The following GRID1 variants were observed in gnomAD, a reference collection of about 807,000 sequenced individuals.
GRID1 encodes glutamate ionotropic receptor delta type subunit 1.
Under a neutral mutation model 98.0 loss-of-function variants are expected in GRID1, and 28 were observed. That is an observed-to-expected ratio of 0.29 (90% CI 0.21 to 0.39). The LOEUF (loss-of-function observed/expected upper bound fraction) is 0.39, where lower values mean the gene tolerates loss of function less well. GRID1 is among the 10% of genes least tolerant of loss of function. The pLI is 1.00. For synonymous variants in GRID1, 553 were observed against 538.5 expected (o/e 1.03, Z -0.37); for missense variants, 1,111 against 1,340.5 (o/e 0.83, Z 2.67).
intron 2 of GRID1, among the ~76,000 whole-genome samples, chr10:86,313,416 T>C (rs1018125248): frequency 6.6e-6 from 1 of 152,160 alleles, no homozygotes; most frequent in Admixed American, 6.5e-5. Flanking sequence ...GGGTCTGGAA[T>C]TGGAACCCAG....
In GRID1 at chr10:86,171,051, A is replaced by G. The variant is rs573972966; in HGVS notation, c.521-32027T>C. 2.0e-5 allele frequency among the ~76,000 whole-genome samples: 3 copies of G among 152,262 alleles called. No individual in the cohort carries two copies. The South Asian group carries it at 6.2e-4, about 32-fold the overall frequency. The stretch of plus-strand genomic sequence containing the variant: ...GTTCTCAGACTTCAAGGCATACTAG[A>G]ATCACCTGGAAAGTTTTAATACTCT... On this transcript the variant is annotated intron_variant, in intron 3 of 15. Coordinates refer to ENST00000327946, the MANE Select transcript of GRID1 (RefSeq NM_017551.3).
intron 12 of GRID1, among the ~76,000 whole-genome samples, chr10:85,719,428 CA>C (rs559767613): frequency 2.6e-5 from 4 of 151,102 alleles, no homozygotes; most frequent in East Asian, 3.9e-4. Context: ...AAACTGGGAA[CA>C]AAAAAAAAGT....
intron 4 of GRID1, among the ~76,000 whole-genome samples, chr10:85,988,836 G>A (rs531375606): frequency 2.0e-5 from 3 of 152,326 alleles, no homozygotes; most frequent in Admixed American, 6.5e-5. Context: ...CAAGGATGGT[G>A]AGATACACAG....
intron 13 of GRID1, among the ~76,000 whole-genome samples, chr10:85,627,378 T>C (rs2132530669): frequency 6.6e-6 from 1 of 152,352 alleles, no homozygotes; most frequent in East Asian, 1.9e-4. Flanking sequence ...TGACATATGG[T>C]AAACGCTAAA....
chr10:86,316,819 T>A (rs1847906137), intron 2 of GRID1, among the ~76,000 whole-genome samples: 1 of 152,182 alleles, frequency 6.6e-6, no homozygotes, highest in Admixed American at 6.5e-5. Flanking sequence ...TGTCTTGCTT[T>A]TATATGATTT....
chr10:86,070,273 G>A (rs1843784826), intron 4 of GRID1, among the ~76,000 whole-genome samples: 1 of 152,178 alleles, frequency 6.6e-6, no homozygotes, highest in South Asian at 2.1e-4. Flanking sequence ...TTGGGGCACT[G>A]GGAGTGTCTG....
At chr10:85,854,296 T>G (rs1486311537) in intron 8 of GRID1, among the ~76,000 whole-genome samples, 200 bp downstream of exon 8, 1 of 152,192 alleles carries the variant, frequency 6.6e-6, no homozygotes, top group Non-Finnish European at 1.5e-5. Flanking sequence ...TAGAGGCAAT[T>G]TCTGTTTGGA....
At chr10:86,238,179 G>A (rs1394718712) in intron 2 of GRID1, among the ~76,000 whole-genome samples, 1 of 152,252 alleles carries the variant, frequency 6.6e-6, no homozygotes, top group Non-Finnish European at 1.5e-5. Context: ...GCCAAATGTT[G>A]ATAGCCAAGA....
chr10:86,174,039 G>A (rs1453527424), intron 3 of GRID1, among the ~76,000 whole-genome samples: 7 of 152,066 alleles, frequency 4.6e-5, no homozygotes, highest in African/African-American at 1.2e-4. Flanking sequence ...ATAGACATAC[G>A]TGTGCATGTG....
intron 4 of GRID1, among the ~76,000 whole-genome samples, chr10:86,067,254 C>A (rs981291718): frequency 1.3e-5 from 2 of 152,224 alleles, no homozygotes; most frequent in African/African-American, 4.8e-5. Flanking sequence ...CCTCCGCGCT[C>A]TGCATGCACG....
chr10:85,958,368 C>A (rs1391198446), intron 4 of GRID1, among the ~76,000 whole-genome samples: 1 of 152,204 alleles, frequency 6.6e-6, no homozygotes, highest in African/African-American at 2.4e-5. Context: ...CACCTCAAGG[C>A]CCCTTGGTGA....
chr10:85,917,463 A>C (rs1405016153), intron 4 of GRID1, among the ~76,000 whole-genome samples: 1 of 152,222 alleles, frequency 6.6e-6, no homozygotes, highest in African/African-American at 2.4e-5. Flanking sequence ...TACCTCCGCA[A>C]GTAAATAGCT....
At chr10:86,046,478 T>G (rs1843426311) in intron 4 of GRID1, among the ~76,000 whole-genome samples, 1 of 152,142 alleles carries the variant, frequency 6.6e-6, no homozygotes, top group East Asian at 1.9e-4. Flanking sequence ...CTGCCCTATA[T>G]CAATTTCACC....
At chr10:86,112,628 G>T (rs1172373215) in intron 4 of GRID1, among the ~76,000 whole-genome samples, 1 of 152,090 alleles carries the variant, frequency 6.6e-6, no homozygotes. Context: ...GGTTGTGATT[G>T]TGGTGTCTGC....
intron 4 of GRID1, among the ~76,000 whole-genome samples, chr10:85,927,882 A>G (rs534623933): frequency 6.6e-6 from 1 of 152,318 alleles, no homozygotes; most frequent in African/African-American, 2.4e-5. Context: ...AATTTGCTGA[A>G]AAGTAGTTAC....
At chr10:85,981,043 G>T (rs1463559645) in intron 4 of GRID1, among the ~76,000 whole-genome samples, 2 of 152,200 alleles carry the variant, frequency 1.3e-5, no homozygotes, top group African/African-American at 4.8e-5. Flanking sequence ...GGGGCCACTA[G>T]CTCCCAATGA....
At chr10:86,059,957 C>A (rs999039416) in intron 4 of GRID1, among the ~76,000 whole-genome samples, 2 of 152,174 alleles carry the variant, frequency 1.3e-5, no homozygotes, top group Non-Finnish European at 2.9e-5. Context: ...TCTCCAGTGA[C>A]AGCATTTTAC....
chr10:85,855,759 C>T (rs1385762079), intron 7 of GRID1, among the ~76,000 whole-genome samples: 1 of 152,198 alleles, frequency 6.6e-6, no homozygotes, highest in African/African-American at 2.4e-5. Flanking sequence ...CCATTTCATA[C>T]CTACTTGCAG....
At chr10:85,642,967 G>C (rs146283906) in intron 13 of GRID1, among the ~76,000 whole-genome samples, 1 of 152,036 alleles carries the variant, frequency 6.6e-6, no homozygotes, top group Admixed American at 6.5e-5. Context: ...TCTCAGAGGC[G>C]AGCCAACCAT....
Sources: allele counts gnomAD v4.1 joint callset (sites outside exome capture counted in the v4.1 genomes callset), GRCh38; gene constraint gnomAD v4.1.1; transcripts MANE v1.5; gene names NCBI Gene and HGNC (gene_info 2026-07-23, HGNC 2026-07-21).